TXNRD1: variants seen among roughly 807,000 people sequenced by gnomAD.
TXNRD1 encodes thioredoxin reductase 1, cytoplasmic.
A neutral mutation model predicts 80.3 loss-of-function variants in TXNRD1; 57 were observed. That is an observed-to-expected ratio of 0.71 (90% CI 0.57 to 0.89). TXNRD1 has a LOEUF of 0.89. Among genes scored for constraint, TXNRD1 ranks in the 40% least tolerant of loss-of-function variants. The probability of loss-of-function intolerance (pLI) is 0.00; values close to 1 mark genes in which losing one functional copy is unlikely to be tolerated. For synonymous variants in TXNRD1, 291 were observed against 285.2 expected, an observed-to-expected ratio of 1.02 and a Z score of -0.20; for missense variants, 730 against 803.0, an observed-to-expected ratio of 0.91 and a Z score of 1.10.
chr12:104,254,644 A>AAAATATATATATATATATATATAT, intron 2 of TXNRD1, among the ~76,000 whole-genome samples: 1 of 93,638 alleles, frequency 1.1e-5, no homozygotes, highest in African/African-American at 5.2e-5. Flanking sequence ...AAAAAAAAAA[A>AAAATATATATATATATATATATAT]ATATATATAT....
intron 3 of TXNRD1, among the ~76,000 whole-genome samples, chr12:104,278,959 C>G (rs2033821335): frequency 6.6e-6 from 1 of 152,154 alleles, no homozygotes; most frequent in South Asian, 2.1e-4. Context: ...AATCTCTCAA[C>G]AATTATTTAT....
chr12:104,221,254 C>A (rs1335613274), intron 1 of TXNRD1, among the ~76,000 whole-genome samples: 2 of 152,128 alleles, frequency 1.3e-5, no homozygotes, highest in East Asian at 1.9e-4. Flanking sequence ...CAGAGGGAGA[C>A]CCTGTCTCAG....
intron 4 of TXNRD1, among the ~76,000 whole-genome samples, chr12:104,305,433 T>G (rs1048455661): frequency 6.6e-6 from 1 of 152,188 alleles, no homozygotes; most frequent in South Asian, 2.1e-4. Flanking sequence ...AAGGAAGACT[T>G]AGGATTTATG....
chr12:104,330,988 A>G (rs987149831), intron 13 of TXNRD1, among the ~76,000 whole-genome samples: 1 of 152,030 alleles, frequency 6.6e-6, no homozygotes, highest in African/African-American at 2.4e-5. Flanking sequence ...AACTATTACT[A>G]TGTTAGTATT....
chr12:104,329,077 A>G (rs1193394421), intron 13 of TXNRD1, among the ~76,000 whole-genome samples: 1 of 152,206 alleles, frequency 6.6e-6, no homozygotes, highest in Admixed American at 6.5e-5. Context: ...AGCATAATAA[A>G]ATCTCATATT....
At chr12:104,281,399 C>CA (rs1272324757) in intron 3 of TXNRD1, among the ~76,000 whole-genome samples, 105 of 73,638 alleles carry the variant, frequency 1.4e-3, no homozygotes, top group African/African-American at 5.4e-3. Flanking sequence ...CATATCTCCA[C>CA]TTTTTTTTTT....
At chr12:104,252,652 T>C (rs2033141967) in intron 2 of TXNRD1, among the ~76,000 whole-genome samples, 1 of 26,278 alleles carries the variant, frequency 3.8e-5, no homozygotes, top group South Asian at 9.4e-4. Context: ...AGAGGTTAAT[T>C]TATTATTTTT....
chr12:104,220,816 G>A (rs1445390610), intron 1 of TXNRD1, among the ~76,000 whole-genome samples: 8 of 151,636 alleles, frequency 5.3e-5, no homozygotes, highest in Non-Finnish European at 1.2e-4. Context: ...GAATTAATCT[G>A]TTAATGCCTT....
chr12:104,343,656 CTG>C (rs1175226772), intron 16 of TXNRD1, among the ~76,000 whole-genome samples: 4 of 152,044 alleles, frequency 2.6e-5, no homozygotes, highest in Admixed American at 6.5e-5. Context: ...AAAAAAATAA[CTG>C]TGCATTGTGG....
Position 104,349,352 on chromosome 12 carries a change from A to G in TXNRD1, c.*931A>G, listed in dbSNP as rs548734135. The stretch of plus-strand genomic sequence containing the variant: ...TAGCTTTATGCTAAAAAAAATAATG[A>G]CATTGGGTATCTATTTCTTTCTAAG... On this transcript the variant is annotated 3_prime_UTR_variant, in exon 17 of 17. Coordinates refer to ENST00000525566, the MANE Select transcript of TXNRD1 (RefSeq NM_001093771.3). The G allele has an allele frequency of 3.9e-5, 6 of 152,648 alleles. No homozygotes were observed. Among genetic ancestry groups the G allele is most frequent in the African/African-American group, 1.4e-4 (6 of 41,586 alleles). The allele number at this position is 152,648 out of a possible 1,614,324, so 9.5% of individuals were successfully genotyped here. A position where few individuals can be genotyped will look rare whatever the true frequency, so the allele number is the denominator to read the frequency against.
At chr12:104,301,972 A>T (rs148420038) in intron 4 of TXNRD1, among the ~76,000 whole-genome samples, 8 of 152,364 alleles carry the variant, frequency 5.3e-5, no homozygotes, top group African/African-American at 1.4e-4. Context: ...CTTGCAGTAG[A>T]TGCTGGGATA....
At chr12:104,324,322 A>G (rs1426762203) in intron 10 of TXNRD1, among the ~76,000 whole-genome samples, 1 of 151,994 alleles carries the variant, frequency 6.6e-6, no homozygotes, top group Non-Finnish European at 1.5e-5. Flanking sequence ...GTCAAATAAA[A>G]TAACCCTGGA....
chr12:104,219,801 G>A (rs1555204824), intron 1 of TXNRD1, among the ~76,000 whole-genome samples: 1 of 151,176 alleles, frequency 6.6e-6, no homozygotes, highest in South Asian at 2.1e-4. Flanking sequence ...TTTTTAATAA[G>A]TGAGGAATGT....
At chr12:104,296,223 C>T (rs1421932388) in intron 4 of TXNRD1, among the ~76,000 whole-genome samples, 1 of 152,162 alleles carries the variant, frequency 6.6e-6, no homozygotes, top group African/African-American at 2.4e-5. Flanking sequence ...GTGGTGTGCT[C>T]ATGATTCGAG....
At chr12:104,216,498 C>A (rs1361635677) in intron 1 of TXNRD1, among the ~76,000 whole-genome samples, 1 of 152,248 alleles carries the variant, frequency 6.6e-6, no homozygotes, top group African/African-American at 2.4e-5. Context: ...CCAGTCTCTT[C>A]TCCATTGTCC....
chr12:104,321,996 C>CTTT (rs746500111), intron 10 of TXNRD1, among the ~76,000 whole-genome samples: 1 of 129,366 alleles, frequency 7.7e-6, no homozygotes, highest in Non-Finnish European at 1.7e-5. Context: ...TTATAGTTGT[C>CTTT]TTTTTTTTTT....
intron 15 of TXNRD1, among the ~76,000 whole-genome samples, chr12:104,337,245 ATATGTG>A (rs2036169696): frequency 6.6e-6 from 1 of 151,980 alleles, no homozygotes; most frequent in Admixed American, 6.6e-5. Flanking sequence ...GTCAGGGCGA[ATATGTG>A]TAAGAGTACC....
intron 15 of TXNRD1, 66 bp downstream of exon 15, chr12:104,334,398 T>C (rs2036062246): frequency 9.7e-6 from 10 of 1,034,552 alleles, no homozygotes; most frequent in South Asian, 2.0e-5. Context: ...GTTGTTTTTT[T>C]TTTAGATGGA....
At chr12:104,291,047 G>T (rs920309498) in intron 4 of TXNRD1, 1 of 685,306 alleles carries the variant, frequency 1.5e-6, no homozygotes, top group South Asian at 1.5e-5. Context: ...GGGCTCAAGC[G>T]ATCATCCGGC....
Sources: gnomAD v4.1 joint callset for allele counts (sites outside exome capture counted in the v4.1 genomes callset) on GRCh38, gnomAD v4.1.1 for gene constraint, MANE v1.5 for transcripts, NCBI Gene and HGNC (gene_info 2026-07-23, HGNC 2026-07-21) for gene names.